PAQR5: variants seen among roughly 807,000 people sequenced by gnomAD.
The protein encoded by PAQR5 is progestin and adipoQ receptor family member 5, also known as membrane progestin receptor gamma.
In PAQR5, 20 loss-of-function variants were observed where a neutral mutation model predicts 34.5. The observed-to-expected ratio is 0.58, with a 90% CI of 0.41 to 0.84. The LOEUF (loss-of-function observed/expected upper bound fraction) is 0.84, where lower values mean the gene tolerates loss of function less well. PAQR5 is among the 40% of genes least tolerant of loss of function. PAQR5 has a pLI of 0.00. For missense variants in PAQR5, 378 were observed against 412.7 expected (o/e 0.92, Z 0.73); for synonymous variants, 131 against 155.6 (o/e 0.84, Z 1.18).
At chr15:69,336,801 C>A (rs1343666382) in intron 1 of PAQR5, among the ~76,000 whole-genome samples, 1 of 152,090 alleles carries the variant, frequency 6.6e-6, no homozygotes, top group Non-Finnish European at 1.5e-5. Context: ...GTATGTGTTC[C>A]AAAAGTTATG....
intron 2 of PAQR5, among the ~76,000 whole-genome samples, chr15:69,350,541 G>A (rs1425994779): frequency 6.6e-6 from 1 of 152,142 alleles, no homozygotes; most frequent in Non-Finnish European, 1.5e-5. Context: ...TACTTTGGAG[G>A]CTGAGGCGCA....
intron 2 of PAQR5, among the ~76,000 whole-genome samples, chr15:69,358,101 C>T (rs2055127494): frequency 6.6e-6 from 1 of 151,950 alleles, no homozygotes; most frequent in Non-Finnish European, 1.5e-5. Flanking sequence ...AGACTTTGGC[C>T]CAGTGATGAT....
chr15:69,306,212 G>A (rs1489053717), intron 1 of PAQR5, among the ~76,000 whole-genome samples: 2 of 152,034 alleles, frequency 1.3e-5, no homozygotes, highest in Non-Finnish European at 2.9e-5. Context: ...GGGCAGCTGG[G>A]GCAACACATG....
chr15:69,395,783 G>C (rs865944358), intron 6 of PAQR5, among the ~76,000 whole-genome samples: 2 of 152,064 alleles, frequency 1.3e-5, no homozygotes, highest in Non-Finnish European at 2.9e-5. Context: ...TCTTTTTCGG[G>C]GGGGATGATG....
At chr15:69,395,162 C>CAGGGT (rs1045680750) in intron 6 of PAQR5, among the ~76,000 whole-genome samples, 3 of 152,144 alleles carry the variant, frequency 2.0e-5, no homozygotes, top group African/African-American at 7.2e-5. Context: ...CGCGGCAGGG[C>CAGGGT]AGGGTCTGCC....
chr15:69,370,236 A>G (rs2055521863), intron 3 of PAQR5, among the ~76,000 whole-genome samples: 1 of 152,158 alleles, frequency 6.6e-6, no homozygotes, highest in African/African-American at 2.4e-5. Context: ...TAGGGTTTGC[A>G]TCTTGGTTCT....
intron 1 of PAQR5, among the ~76,000 whole-genome samples, chr15:69,305,197 C>A (rs2053687648): frequency 6.6e-6 from 1 of 152,168 alleles, no homozygotes; most frequent in Non-Finnish European, 1.5e-5. Flanking sequence ...ACTGCACCAT[C>A]ACATCCCCTT....
intron 1 of PAQR5, among the ~76,000 whole-genome samples, chr15:69,310,212 T>C (rs185950262): frequency 7.2e-4 from 109 of 152,316 alleles, no homozygotes; most frequent in Non-Finnish European, 8.5e-4. Context: ...CAGAATCCCC[T>C]TGTACTTCAG....
chr15:69,330,527 A>G lies in PAQR5; in HGVS notation c.-276-6814A>G, dbSNP rs188672430. On this transcript the variant is annotated intron_variant, in intron 1 of 8. Coordinates refer to ENST00000395407, the MANE Select transcript of PAQR5 (RefSeq NM_017705.4). ...GCTTGGGATATTTTGCAGACCCTGC[A>G]CTCGGTGGATCAGCAGGCACCACCC... is the stretch of plus-strand genomic sequence containing the variant. Among the ~76,000 whole-genome samples, 363 of 152,052 alleles carry G rather than the reference A, an allele frequency of 2.4e-3. 2 individuals are homozygous for G. Among genetic ancestry groups the G allele is most frequent in the Admixed American group, 0.018 (277 of 15,254 alleles).
chr15:69,346,606 C>A (rs972461779), intron 2 of PAQR5, among the ~76,000 whole-genome samples: 2 of 149,136 alleles, frequency 1.3e-5, no homozygotes, highest in Admixed American at 1.3e-4. Flanking sequence ...GCGTGAGCTA[C>A]CACGTCCAGC....
chr15:69,323,605 G>A (rs895300792), intron 1 of PAQR5, among the ~76,000 whole-genome samples: 2 of 152,146 alleles, frequency 1.3e-5, no homozygotes, highest in African/African-American at 4.8e-5. Flanking sequence ...AAGAGTTAGA[G>A]GACTCATTCA....
At chr15:69,304,157 C>A (rs763816511) in intron 1 of PAQR5, among the ~76,000 whole-genome samples, 1 of 152,038 alleles carries the variant, frequency 6.6e-6, no homozygotes, top group South Asian at 2.1e-4. Flanking sequence ...CCTTCCCTAC[C>A]CCCCCATCCT....
intron 1 of PAQR5, among the ~76,000 whole-genome samples, chr15:69,312,650 G>C (rs1045653207): frequency 6.6e-6 from 1 of 151,276 alleles, no homozygotes; most frequent in Non-Finnish European, 1.5e-5. Flanking sequence ...CGTCCCCCAG[G>C]ATCAGCTGCC....
rs185198744 is a variant in PAQR5 at position 69,370,286 on chromosome 15, T to G, written c.52-9597T>G. Among the ~76,000 whole-genome samples, 50 of 152,346 alleles carry G rather than the reference T, an allele frequency of 3.3e-4. 1 individual carries two copies. The highest frequency in any genetic ancestry group is 2.4e-3 in the Admixed American group (37 of 15,302). ...CCTTGGGAACTTCGTCTCACTGAGC[T>G]GCAGTTTTCTTATTTGTAAAATGGG... On this transcript the variant is annotated intron_variant, in intron 3 of 8. Coordinates refer to ENST00000395407, the MANE Select transcript of PAQR5 (RefSeq NM_017705.4).
intron 1 of PAQR5, among the ~76,000 whole-genome samples, chr15:69,310,083 C>T (rs1459443678): frequency 6.6e-6 from 1 of 151,672 alleles, no homozygotes; most frequent in Non-Finnish European, 1.5e-5. Context: ...GAAACAACAA[C>T]AACAACAAAA....
chr15:69,400,331 T>C (rs1317487530), intron 8 of PAQR5, among the ~76,000 whole-genome samples: 30 of 152,184 alleles, frequency 2.0e-4, no homozygotes, highest in Non-Finnish European at 2.9e-5. Context: ...CCCAGGAGCC[T>C]AAAGCATTCT....
intron 2 of PAQR5, among the ~76,000 whole-genome samples, chr15:69,345,535 T>G (rs756865619): frequency 6.6e-6 from 1 of 152,124 alleles, no homozygotes; most frequent in Admixed American, 6.5e-5. Flanking sequence ...TCTTAGTAAT[T>G]TTGCTTGGTC....
chr15:69,337,182 C>T (rs2140707055), intron 1 of PAQR5, among the ~76,000 whole-genome samples, 159 bp from the exon 2 acceptor site: 1 of 152,304 alleles, frequency 6.6e-6, no homozygotes, highest in Non-Finnish European at 1.5e-5. Flanking sequence ...CAAGCTTTAA[C>T]AAGTGAGTAA....
Position 69,407,503 on chromosome 15 carries a change from C to T in PAQR5, c.*3681C>T, listed in dbSNP as rs1012537417. The T allele has an allele frequency of 5.3e-5, 8 of 152,150 alleles. No individual in the cohort carries two copies. The highest frequency in any genetic ancestry group is 1.9e-4 in the African/African-American group (8 of 41,438). 9.4% of individuals were successfully genotyped at this position (152,150 alleles called of 1,614,324 possible). On this transcript the variant is annotated 3_prime_UTR_variant, in exon 9 of 9. Transcript: ENST00000395407. Reference sequence around the variant, plus strand: ...ACTTCAAAACATATTATTTGAATTTCGGCCTCTGATTTTCTAGTCAACAAT... The same window carrying T: ...ACTTCAAAACATATTATTTGAATTTTGGCCTCTGATTTTCTAGTCAACAAT...
Sources: gnomAD v4.1 joint callset for allele counts (sites outside exome capture counted in the v4.1 genomes callset) on GRCh38, gnomAD v4.1.1 for gene constraint, MANE v1.5 for transcripts, NCBI Gene and HGNC (gene_info 2026-07-23, HGNC 2026-07-21) for gene names.